ASMTL: variants seen among roughly 807,000 people sequenced by gnomAD.
The protein encoded by ASMTL is probable bifunctional dTTP/UTP pyrophosphatase/methyltransferase protein.
In ASMTL, 57 loss-of-function variants were observed where a neutral mutation model predicts 60.3. The observed-to-expected ratio is 0.95, with a 90% CI of 0.76 to 1.18. The LOEUF is 1.18. ASMTL is among the 50% of genes most tolerant of loss of function. The pLI, the probability that ASMTL is intolerant of heterozygous loss-of-function variation, is 0.00. For missense variants in ASMTL, 981 were observed against 852.6 expected (o/e 1.15, Z -1.88); for synonymous variants, 419 against 373.0 (o/e 1.12, Z -1.42).
intron 1 of ASMTL, among the ~76,000 whole-genome samples, chrX:1,447,472 G>C (rs1219674303): frequency 3.5e-3 from 286 of 82,648 alleles, no homozygotes; most frequent in South Asian, 8.4e-3. Context: ...ACACGGCCAT[G>C]TTGGAGAAGC....
chrX:1,436,931 C>T (rs756012901), intron 3 of ASMTL, among the ~76,000 whole-genome samples: 14 of 152,222 alleles, frequency 9.2e-5, no homozygotes, highest in African/African-American at 2.2e-4. Context: ...CTCCCATCGT[C>T]GTGGAGACTG....
At chrX:1,450,615 G>T (rs750637463) in intron 1 of ASMTL, among the ~76,000 whole-genome samples, 3 of 119,640 alleles carry the variant, frequency 2.5e-5, no homozygotes, top group Admixed American at 8.2e-5. Context: ...CCCATCCCTA[G>T]GGGTTCTGGG....
intron 4 of ASMTL, 145 bp from the exon 5 acceptor site, chrX:1,435,228 G>C (rs1238220920): frequency 2.3e-6 from 2 of 860,188 alleles, no homozygotes; most frequent in South Asian, 1.5e-5. Flanking sequence ...TCCCGCTGTG[G>C]GGTCTCCAGG....
chrX:1,413,060 G>A (rs1215232456), intron 11 of ASMTL: 13 of 606,240 alleles, frequency 2.1e-5, no homozygotes, highest in Admixed American at 2.0e-4. Context: ...CGCCCGTGCG[G>A]TTTGACTCGG....
chrX:1,432,941 T>C (rs1314677084), intron 5 of ASMTL, among the ~76,000 whole-genome samples: 2 of 152,156 alleles, frequency 1.3e-5, no homozygotes, highest in Non-Finnish European at 2.9e-5. Flanking sequence ...CTACTAAAAA[T>C]ACAAAAATTA....
In ASMTL at chrX:1,448,521, C is replaced by T. The variant is rs183437613; in HGVS notation, c.93+4227G>A. On this transcript the variant is annotated intron_variant, in intron 1 of 12. Transcript: ENST00000381317. Reference sequence around the variant, plus strand: ...TGGATAAGCACCACCATCTTGGACACATGCCGCCATCTTGGACACACACTG... The same window carrying T: ...TGGATAAGCACCACCATCTTGGACATATGCCGCCATCTTGGACACACACTG... Among the ~76,000 whole-genome samples the T allele has an allele frequency of 3.7e-4, 55 of 148,116 alleles. No individual in the cohort carries two copies. The East Asian group carries it at 9.5e-3, about 26-fold the overall frequency.
intron 5 of ASMTL, among the ~76,000 whole-genome samples, chrX:1,433,044 G>C (rs2090850804): frequency 1.3e-5 from 2 of 152,128 alleles, no homozygotes; most frequent in Non-Finnish European, 2.9e-5. Flanking sequence ...GTTGCAGTGA[G>C]CCAAGATCAC....
intron 12 of ASMTL, among the ~76,000 whole-genome samples, chrX:1,404,981 A>C (rs1209150430): frequency 6.6e-6 from 1 of 150,902 alleles, no homozygotes; most frequent in East Asian, 2.0e-4. Context: ...AATAGATGGT[A>C]GATGATGGGT....
intron 11 of ASMTL, among the ~76,000 whole-genome samples, chrX:1,417,493 C>T (rs2090331510): frequency 6.7e-6 from 1 of 149,618 alleles, no homozygotes. Context: ...GGAAGACACA[C>T]ACCATGCACA....
At chrX:1,419,191 G>T (rs1421001113) in intron 9 of ASMTL, 77 bp from the exon 10 acceptor site, 3 of 1,554,352 alleles carry the variant, frequency 1.9e-6, no homozygotes. Flanking sequence ...GGGGGTCGGG[G>T]GGAGAAGTGC....
chrX:1,416,510 G>T (rs1213546825), intron 11 of ASMTL, among the ~76,000 whole-genome samples: 1 of 148,960 alleles, frequency 6.7e-6, no homozygotes, highest in Non-Finnish European at 1.5e-5. Context: ...CACACACACG[G>T]ATGCAGACAT....
Position 1,411,814 on chromosome X carries a change from T to C in ASMTL, c.1645+918A>G, listed in dbSNP as rs865962156. On this transcript the variant is annotated intron_variant, in intron 12 of 12. Transcript: ENST00000381317. ...TTTCTCTTTAGGATTTTCTTTTTTT[T>C]TTTTTTTTTTTTTTTTGAGATGGAG... is the stretch of plus-strand genomic sequence containing the variant. Among the ~76,000 whole-genome samples, 453 of 110,752 alleles carry C rather than the reference T, an allele frequency of 4.1e-3. 3 individuals are homozygous for C. The highest frequency in any genetic ancestry group is 0.027 in the Middle Eastern group (7 of 258). 72.7% of individuals were successfully genotyped at this position (110,752 alleles called of 152,430 possible).
chrX:1,407,433 G>GT (rs2089904871), intron 12 of ASMTL, among the ~76,000 whole-genome samples: 1 of 149,016 alleles, frequency 6.7e-6, no homozygotes, highest in African/African-American at 2.5e-5. Flanking sequence ...GGATGGATGG[G>GT]TGAATAGATG....
At position 1,403,376 on chromosome X, in the gene ASMTL, G is replaced by A; in HGVS notation, c.1759C>T (p.Leu587=). The part of the protein sequence containing the change: ...LVQTEGKERS[L]GEYQCLLELH... ...TCCAGCAAGCACTGATACTCGCCCA[G>A]GCTCCGCTCCTTGCCTTCAGTCTGC... The change falls in exon 13 of 13, where the codon CTG becomes TTG. Residue 587 remains leucine, a synonymous_variant. Coordinates refer to ENST00000381317, the MANE Select transcript of ASMTL (RefSeq NM_004192.4). The A allele has an allele frequency of 6.2e-7, 1 of 1,613,478 alleles. No homozygotes were observed. The highest frequency in any genetic ancestry group is 2.2e-5 in the East Asian group (1 of 44,880).
intron 12 of ASMTL, among the ~76,000 whole-genome samples, chrX:1,411,525 G>A (rs1417588940): frequency 3.3e-5 from 5 of 150,518 alleles, no homozygotes; most frequent in Non-Finnish European, 7.4e-5. Context: ...CAGCCTGGGT[G>A]GACGGGGGAG....
At chrX:1,421,293 G>C (rs1264064723) in intron 9 of ASMTL, among the ~76,000 whole-genome samples, 9 of 151,936 alleles carry the variant, frequency 5.9e-5, no homozygotes. Flanking sequence ...TAGAGATGGG[G>C]GTCTCACTAT....
chrX:1,448,120 C>G (rs1357758006), intron 1 of ASMTL, among the ~76,000 whole-genome samples: 1 of 148,904 alleles, frequency 6.7e-6, no homozygotes, highest in Non-Finnish European at 1.5e-5. Flanking sequence ...CCATCTTGGA[C>G]ACACACCATC....
intron 11 of ASMTL, among the ~76,000 whole-genome samples, chrX:1,417,062 CCACA>C (rs1177175707): frequency 3.4e-4 from 51 of 150,838 alleles, no homozygotes; most frequent in African/African-American, 1.2e-3. Context: ...GCTCACATAT[CCACA>C]CAGACACACA....
At chrX:1,434,905 A>G in intron 5 of ASMTL, 117 bp downstream of exon 5, 1 of 1,066,732 alleles carries the variant, frequency 9.4e-7, no homozygotes, top group Non-Finnish European at 1.4e-6. Context: ...ATAGGCACAA[A>G]CCCCTCCACA....
Sources: allele counts gnomAD v4.1 joint callset (sites outside exome capture counted in the v4.1 genomes callset), GRCh38; gene constraint gnomAD v4.1.1; transcripts MANE v1.5; gene names NCBI Gene and HGNC (gene_info 2026-07-23, HGNC 2026-07-21).